The following AKAP6 variants were observed in gnomAD, a reference collection of about 807,000 sequenced individuals.
AKAP6 encodes A-kinase anchoring protein 6, also known as A-kinase anchor protein 6.
In AKAP6, 58 loss-of-function variants were observed where a neutral mutation model predicts 188.5. The observed-to-expected ratio is 0.31, with a 90% confidence interval of 0.25 to 0.38. The LOEUF is 0.38. Among genes scored for constraint, AKAP6 ranks in the 10% least tolerant of loss-of-function variants. AKAP6 has a pLI of 1.00. For missense variants in AKAP6, 2,710 were observed against 2,740.0 expected (o/e 0.99, Z 0.24); for synonymous variants, 989 against 998.6 (o/e 0.99, Z 0.18).
chr14:32,651,781 A>G (rs1361785248), intron 7 of AKAP6, among the ~76,000 whole-genome samples: 1 of 152,182 alleles, frequency 6.6e-6, no homozygotes, highest in Non-Finnish European at 1.5e-5. Context: ...TTTGAAGGGG[A>G]CACCATCATT....
At chr14:32,598,235 C>T (rs1313547157) in intron 5 of AKAP6, among the ~76,000 whole-genome samples, 1 of 152,182 alleles carries the variant, frequency 6.6e-6, no homozygotes, top group African/African-American at 2.4e-5. Flanking sequence ...CAGTGCAGAC[C>T]TTCTCAATAA....
intron 2 of AKAP6, among the ~76,000 whole-genome samples, chr14:32,504,814 G>A (rs1043763194): frequency 2.0e-5 from 3 of 152,068 alleles, no homozygotes; most frequent in South Asian, 4.1e-4. Flanking sequence ...AGATACAGTC[G>A]TGCTCATGTT....
intron 1 of AKAP6, among the ~76,000 whole-genome samples, chr14:32,411,569 C>T (rs1428328980): frequency 6.6e-6 from 1 of 152,068 alleles, no homozygotes; most frequent in African/African-American, 2.4e-5. Context: ...AAATTGGCTT[C>T]CAGGTGATTA....
At chr14:32,439,668 G>T (rs1048916491) in intron 2 of AKAP6, among the ~76,000 whole-genome samples, 5 of 152,172 alleles carry the variant, frequency 3.3e-5, no homozygotes, top group Admixed American at 3.3e-4. Context: ...CCATAGTCGT[G>T]ACAGTGAGCA....
intron 1 of AKAP6, among the ~76,000 whole-genome samples, chr14:32,361,187 G>A (rs1171424167): frequency 6.6e-6 from 1 of 151,936 alleles, no homozygotes; most frequent in Non-Finnish European, 1.5e-5. Context: ...GGAGGATGAG[G>A]GGAATGTGGC....
intron 9 of AKAP6, among the ~76,000 whole-genome samples, chr14:32,731,519 A>G (rs969536950): frequency 6.6e-6 from 1 of 152,142 alleles, no homozygotes; most frequent in East Asian, 1.9e-4. Flanking sequence ...TCAGTGACCT[A>G]AATTTGGTGC....
At chr14:32,635,465 A>G (rs961355847) in intron 7 of AKAP6, among the ~76,000 whole-genome samples, 13 of 152,238 alleles carry the variant, frequency 8.5e-5, no homozygotes, top group African/African-American at 3.1e-4. Flanking sequence ...TCACTGATCC[A>G]TCTGTAATTA....
rs142242575 is a variant in AKAP6 at position 32,546,902 on chromosome 14, A to G, written c.2249A>G (p.Asn750Ser). 6.2e-7 allele frequency: 1 copy of G among 1,613,952 alleles called. No individual in the cohort carries two copies. Among genetic ancestry groups the G allele is most frequent in the South Asian group, 1.1e-5 (1 of 91,064 alleles). The change falls in exon 4 of 14, where the codon AAT becomes AGT. Residue 750 changes from asparagine to serine, a missense_variant. Asn to Ser is a conservative substitution (Grantham distance 46). Around this residue, in one of 2 missense-constraint regions of AKAP6, gnomAD observed 2,473 missense variants for 2,426.1 expected, o/e 1.02. Coordinates refer to ENST00000280979, the MANE Select transcript of AKAP6 (RefSeq NM_004274.5). Reference protein sequence around the residue: ...KSERASSSEKNESHSATKSAL... With the variant: ...KSERASSSEKSESHSATKSAL... ...GAAAGAGCTTCATCCTCTGAGAAAA[A>G]TGAGAGCCATTCTGCCACTAAATCA...
chr14:32,771,355 A>AC (rs397730383), intron 11 of AKAP6, among the ~76,000 whole-genome samples: 4 of 151,006 alleles, frequency 2.6e-5, no homozygotes, highest in African/African-American at 9.7e-5. Flanking sequence ...AAAAAAAAAA[A>AC]CCCTGCAGAA....
At chr14:32,506,159 G>T (rs1241759577) in intron 2 of AKAP6, among the ~76,000 whole-genome samples, 1 of 151,680 alleles carries the variant, frequency 6.6e-6, no homozygotes, top group African/African-American at 2.4e-5. Flanking sequence ...TAATAATAAT[G>T]ATAATAATTA....
chr14:32,779,532 G>A (rs1195820822), intron 12 of AKAP6, among the ~76,000 whole-genome samples: 5 of 151,780 alleles, frequency 3.3e-5, no homozygotes, highest in Non-Finnish European at 7.4e-5. Context: ...TGTATTAATA[G>A]TAAACAGTGT....
intron 4 of AKAP6, among the ~76,000 whole-genome samples, chr14:32,572,431 C>G (rs1465219600): frequency 6.6e-6 from 1 of 152,218 alleles, no homozygotes; most frequent in Non-Finnish European, 1.5e-5. Flanking sequence ...ATCTTGTTTT[C>G]CATTATGTGG....
intron 11 of AKAP6, among the ~76,000 whole-genome samples, chr14:32,738,610 A>G (rs536073919): frequency 6.6e-6 from 1 of 152,150 alleles, no homozygotes; most frequent in Non-Finnish European, 1.5e-5. Context: ...ATCTTTATGA[A>G]TGAAGAATTT....
intron 2 of AKAP6, among the ~76,000 whole-genome samples, chr14:32,482,958 G>T (rs1879430279): frequency 7.6e-6 from 1 of 130,838 alleles, no homozygotes; most frequent in East Asian, 2.5e-4. Flanking sequence ...TGGGTCAAAG[G>T]GTGTGTGTGT....
At chr14:32,435,085 A>AT (rs758480141) in intron 2 of AKAP6, among the ~76,000 whole-genome samples, 2 of 152,234 alleles carry the variant, frequency 1.3e-5, no homozygotes, top group Non-Finnish European at 2.9e-5. Flanking sequence ...TCTGTGAAAC[A>AT]TGGTTTGTAT....
chr14:32,588,800 G>A (rs1885359175), intron 5 of AKAP6, among the ~76,000 whole-genome samples: 1 of 152,086 alleles, frequency 6.6e-6, no homozygotes, highest in Non-Finnish European at 1.5e-5. Flanking sequence ...AATTCTCAAA[G>A]ATATATGCAT....
chr14:32,827,094 T>C (rs1315377633), intron 13 of AKAP6, among the ~76,000 whole-genome samples: 3 of 152,184 alleles, frequency 2.0e-5, no homozygotes, highest in African/African-American at 7.2e-5. Context: ...ATTGTTAAAA[T>C]ACTATCAACC....
intron 7 of AKAP6, among the ~76,000 whole-genome samples, chr14:32,631,592 A>G (rs1383780088): frequency 1.3e-5 from 2 of 152,026 alleles, no homozygotes; most frequent in African/African-American, 4.8e-5. Context: ...GATTCTATTT[A>G]TATTCTTCCA....
intron 1 of AKAP6, among the ~76,000 whole-genome samples, chr14:32,424,172 A>G (rs1594599656): frequency 6.6e-6 from 1 of 152,292 alleles, no homozygotes; most frequent in East Asian, 1.9e-4. Context: ...GTACCATTCT[A>G]GGATACAACT....
Sources: allele counts gnomAD v4.1 joint callset (sites outside exome capture counted in the v4.1 genomes callset), GRCh38; gene constraint gnomAD v4.1.1; regional missense constraint gnomAD v4.1.1; transcripts MANE v1.5; gene names NCBI Gene and HGNC (gene_info 2026-07-23, HGNC 2026-07-21).